Variants in NFATC1 observed in about 807,000 individuals in gnomAD.
NFATC1 encodes nuclear factor of activated T cells 1.
NFATC1 carries 22 observed loss-of-function variants against 76.0 expected under a neutral mutation model. The observed-to-expected ratio is 0.29, with a 90% CI of 0.21 to 0.41. The LOEUF is 0.41. NFATC1 is among the 10% of genes least tolerant of loss of function. The pLI is 1.00. For missense variants in NFATC1, 1,357 were observed against 1,337.7 expected (o/e 1.01, Z -0.23); for synonymous variants, 704 against 613.1 (o/e 1.15, Z -2.19).
chr18:79,439,536 GCA>G (rs2086897929), intron 3 of NFATC1, among the ~76,000 whole-genome samples: 1 of 152,220 alleles, frequency 6.6e-6, no homozygotes, highest in African/African-American at 2.4e-5. Flanking sequence ...TCCTCTTTCA[GCA>G]CAATTTCAGG....
chr18:79,466,679 C>T (rs1275957889), intron 7 of NFATC1, among the ~76,000 whole-genome samples: 2 of 152,268 alleles, frequency 1.3e-5, no homozygotes, highest in Non-Finnish European at 2.9e-5. Context: ...GTGCCCTTGG[C>T]TGTTCCCACC....
chr18:79,405,994 C>A (rs1437171066), intron 1 of NFATC1, among the ~76,000 whole-genome samples: 1 of 152,030 alleles, frequency 6.6e-6, no homozygotes, highest in East Asian at 1.9e-4. Context: ...ACACAGAGAC[C>A]TGTGAGGTCC....
chr18:79,506,980 C>G (rs1177380932), intron 9 of NFATC1, among the ~76,000 whole-genome samples: 1 of 152,224 alleles, frequency 6.6e-6, no homozygotes, highest in South Asian at 2.1e-4. Flanking sequence ...GGCCCCGGAC[C>G]CATAATCAAA....
intron 3 of NFATC1, among the ~76,000 whole-genome samples, chr18:79,442,911 A>G (rs2087038932): frequency 6.6e-6 from 1 of 152,082 alleles, no homozygotes; most frequent in African/African-American, 2.4e-5. Flanking sequence ...TGTGTTTGGA[A>G]GGGGACACAC....
intron 7 of NFATC1, among the ~76,000 whole-genome samples, chr18:79,464,266 A>AT (rs564330039): frequency 9.0e-4 from 136 of 151,404 alleles, no homozygotes; most frequent in African/African-American, 2.7e-3. Flanking sequence ...ATGTTTTTGT[A>AT]TTTTTTTTAG....
intron 1 of NFATC1, among the ~76,000 whole-genome samples, chr18:79,397,199 C>A (rs2085036845): frequency 1.3e-5 from 2 of 152,188 alleles, no homozygotes; most frequent in Admixed American, 1.3e-4. Flanking sequence ...TTGAAAATAC[C>A]CTTGCAGAGG....
chr18:79,518,452 GT>G (rs1292933565), intron 9 of NFATC1, among the ~76,000 whole-genome samples: 1 of 152,220 alleles, frequency 6.6e-6, no homozygotes, highest in Non-Finnish European at 1.5e-5. Context: ...GCCTGCTTGT[GT>G]TCTGATGGGC....
intron 8 of NFATC1, among the ~76,000 whole-genome samples, chr18:79,471,892 G>A (rs1011155138): frequency 6.6e-6 from 1 of 152,246 alleles, no homozygotes; most frequent in Non-Finnish European, 1.5e-5. Context: ...CACGAAGAAG[G>A]GAAGACGCGC....
intron 2 of NFATC1, among the ~76,000 whole-genome samples, chr18:79,432,033 A>C (rs2144656109): frequency 6.6e-6 from 1 of 152,288 alleles, no homozygotes; most frequent in South Asian, 2.1e-4. Context: ...TTGGGTTCAC[A>C]GTGTGTCCTG....
intron 1 of NFATC1, among the ~76,000 whole-genome samples, chr18:79,397,859 C>T (rs1427845795): frequency 6.6e-6 from 1 of 152,166 alleles, no homozygotes; most frequent in African/African-American, 2.4e-5. Flanking sequence ...AGAAAATAAG[C>T]TCGAAAAGGT....
At chr18:79,494,844 G>C (rs1300019847) in intron 9 of NFATC1, among the ~76,000 whole-genome samples, 20 of 95,482 alleles carry the variant, frequency 2.1e-4, no homozygotes, top group South Asian at 4.0e-4. Flanking sequence ...CGCCCCCCAT[G>C]AACCTGGTGC....
intron 9 of NFATC1, among the ~76,000 whole-genome samples, chr18:79,519,934 T>C (rs1316019982): frequency 6.6e-6 from 1 of 151,904 alleles, no homozygotes; most frequent in East Asian, 1.9e-4. Context: ...AGTAGGACAG[T>C]TGGTGATAAA....
At chr18:79,480,096 T>A (rs1350504737) in intron 8 of NFATC1, among the ~76,000 whole-genome samples, 1 of 152,154 alleles carries the variant, frequency 6.6e-6, no homozygotes, top group Non-Finnish European at 1.5e-5. Flanking sequence ...TGCTGCCAGC[T>A]CCGGGCCAAG....
chr18:79,450,175 T>C (rs1047477376), intron 4 of NFATC1, among the ~76,000 whole-genome samples: 21 of 152,236 alleles, frequency 1.4e-4, no homozygotes, highest in African/African-American at 5.1e-4. Context: ...TGCCGCCTCG[T>C]GGGTGGTCGG....
intron 2 of NFATC1, among the ~76,000 whole-genome samples, chr18:79,424,937 C>G (rs948159167): frequency 4.0e-5 from 6 of 150,832 alleles, no homozygotes; most frequent in South Asian, 4.2e-4. Flanking sequence ...GTGTCTCTCT[C>G]TGTCTCTGCC....
chr18:79,467,280 G>T (rs1046108751), intron 7 of NFATC1, among the ~76,000 whole-genome samples, 170 bp from the exon 8 acceptor site: 1 of 152,178 alleles, frequency 6.6e-6, no homozygotes, highest in African/African-American at 2.4e-5. Context: ...TTACCGTCAC[G>T]GCAGTCCTGT....
At chr18:79,461,196 C>T (rs1274417150) in intron 6 of NFATC1, 115 bp from the exon 7 acceptor site, 1 of 1,254,576 alleles carries the variant, frequency 8.0e-7, no homozygotes, top group East Asian at 2.4e-5. Context: ...CGTGGGTCTC[C>T]TGGGACAAGG....
At chr18:79,480,027 C>G (rs1042451425) in intron 8 of NFATC1, among the ~76,000 whole-genome samples, 1 of 152,210 alleles carries the variant, frequency 6.6e-6, no homozygotes, top group Non-Finnish European at 1.5e-5. Context: ...GGAACAGGGC[C>G]CGCACCTGCA....
intron 7 of NFATC1, among the ~76,000 whole-genome samples, chr18:79,462,805 A>C (rs2144880886): frequency 6.6e-6 from 1 of 150,502 alleles, no homozygotes; most frequent in Non-Finnish European, 1.5e-5. Flanking sequence ...TTGTGCACCC[A>C]CTCAGTGTGT....
Sources: allele counts gnomAD v4.1 joint callset (sites outside exome capture counted in the v4.1 genomes callset), GRCh38; gene constraint gnomAD v4.1.1; transcripts MANE v1.5; gene names NCBI Gene and HGNC (gene_info 2026-07-23, HGNC 2026-07-21).